The following ADGRB3 variants were observed in gnomAD, a reference collection of about 807,000 sequenced individuals.
The protein encoded by ADGRB3 is adhesion G protein-coupled receptor B3, also known as brain-specific angiogenesis inhibitor 3.
ADGRB3 carries 37 observed loss-of-function variants against 193.4 expected under a neutral mutation model. That is an observed-to-expected ratio of 0.19 (90% CI 0.15 to 0.25). ADGRB3 has a LOEUF of 0.25. ADGRB3 is among the 10% of genes least tolerant of loss of function. The pLI is 1.00. For missense variants in ADGRB3, 1,637 were observed against 1,852.9 expected (o/e 0.88, Z 2.14); for synonymous variants, 690 against 644.2 (o/e 1.07, Z -1.08).
Position 68,846,953 on chromosome 6 carries a change from A to T in ADGRB3, c.758-83606A>T, listed in dbSNP as rs548992001. ...ATGCCAGCCTGTGAAAGCAGACAGG[A>T]GGGAGGCTGTACCATGCAAAGCCAC... On this transcript the variant is annotated intron_variant, in intron 3 of 31. Transcript: ENST00000370598. Among the ~76,000 whole-genome samples the T allele has an allele frequency of 2.7e-3, 406 of 152,290 alleles. 1 individual carries two copies. Among genetic ancestry groups the T allele is most frequent in the African/African-American group, 9.3e-3 (387 of 41,566 alleles).
chr6:69,139,335 C>G (rs1774246792), intron 17 of ADGRB3, among the ~76,000 whole-genome samples: 1 of 152,196 alleles, frequency 6.6e-6, no homozygotes. Flanking sequence ...GATATTCAGA[C>G]TGGTTGGTTC....
intron 17 of ADGRB3, among the ~76,000 whole-genome samples, chr6:69,219,240 C>T (rs932673038): frequency 2.0e-5 from 3 of 151,492 alleles, no homozygotes; most frequent in African/African-American, 7.3e-5. Flanking sequence ...TTTGGAATTC[C>T]TAGGGTTTTC....
intron 27 of ADGRB3, 44 bp downstream of exon 27, chr6:69,354,372 C>G: frequency 6.7e-7 from 1 of 1,490,176 alleles, no homozygotes; most frequent in Non-Finnish European, 9.4e-7. Flanking sequence ...CTCATGATTT[C>G]TCAAGGGAAT....
At chr6:68,677,369 C>T (rs1769118245) in intron 3 of ADGRB3, among the ~76,000 whole-genome samples, 2 of 152,100 alleles carry the variant, frequency 1.3e-5, no homozygotes, top group Non-Finnish European at 1.5e-5. Context: ...TACTTCTTGT[C>T]ACTGCAGACT....
At chr6:68,669,670 C>A (rs2127293525) in intron 3 of ADGRB3, among the ~76,000 whole-genome samples, 1 of 142,840 alleles carries the variant, frequency 7.0e-6, no homozygotes, top group South Asian at 2.3e-4. Context: ...TTTTCTTTAT[C>A]CATTCATTTT....
At chr6:69,330,303 G>C (rs1210971716) in intron 22 of ADGRB3, among the ~76,000 whole-genome samples, 1 of 152,060 alleles carries the variant, frequency 6.6e-6, no homozygotes, top group Non-Finnish European at 1.5e-5. Context: ...TTTCTTTTGA[G>C]TTAGATATAT....
intron 17 of ADGRB3, among the ~76,000 whole-genome samples, chr6:69,124,442 T>G (rs1251987032): frequency 6.6e-6 from 1 of 152,218 alleles, no homozygotes; most frequent in African/African-American, 2.4e-5. Context: ...CAACTTAATT[T>G]GCTCTGTGAC....
chr6:69,364,046 T>C (rs1242963454), intron 29 of ADGRB3, among the ~76,000 whole-genome samples: 1 of 151,970 alleles, frequency 6.6e-6, no homozygotes, highest in Non-Finnish European at 1.5e-5. Context: ...AATTTAAGTC[T>C]TTTCTCCCTG....
At chr6:68,994,442 G>A (rs1186521664) in intron 11 of ADGRB3, among the ~76,000 whole-genome samples, 1 of 152,028 alleles carries the variant, frequency 6.6e-6, no homozygotes, top group African/African-American at 2.4e-5. Context: ...AAAATATAAG[G>A]CAAATAGAAA....
intron 3 of ADGRB3, among the ~76,000 whole-genome samples, chr6:68,734,653 G>A (rs985238789): frequency 1.3e-5 from 2 of 151,884 alleles, no homozygotes; most frequent in African/African-American, 2.4e-5. Context: ...GAGGAGAGGA[G>A]AATCTAAACC....
rs1039511582 is a variant in ADGRB3 at position 69,137,065 on chromosome 6, TTTTTTTTTTTTA to T, written c.2480+61028_2480+61039del. Among the ~76,000 whole-genome samples the T allele has an allele frequency of 6.2e-4, 39 of 63,094 alleles. No homozygotes were observed. In the East Asian group the frequency reaches 0.085, roughly 138 times the overall value. 41.4% of individuals were successfully genotyped at this position (63,094 alleles called of 152,430 possible). On this transcript the variant is annotated intron_variant, in intron 17 of 31. Coordinates refer to ENST00000370598, the MANE Select transcript of ADGRB3 (RefSeq NM_001704.3). The stretch of plus-strand genomic sequence containing the variant: ...TTCTTTTCTTTTCTTTCTTTTTTTT[TTTTTTTTTTTTA>T]ATGGTAAGATCTTTTTGAGCCTCAA...
chr6:69,178,479 G>A (rs370540473), intron 17 of ADGRB3, among the ~76,000 whole-genome samples: 177 of 152,274 alleles, frequency 1.2e-3, no homozygotes, highest in African/African-American at 4.0e-3. Context: ...ATATTGACAT[G>A]TGAGGTCTCA....
intron 3 of ADGRB3, among the ~76,000 whole-genome samples, chr6:68,783,948 C>A (rs1766909284): frequency 6.6e-6 from 1 of 151,962 alleles, no homozygotes; most frequent in South Asian, 2.1e-4. Context: ...TCTTACTATT[C>A]TTTAACTTCT....
intron 3 of ADGRB3, among the ~76,000 whole-genome samples, chr6:68,820,584 C>T (rs1287495943): frequency 6.6e-6 from 1 of 151,904 alleles, no homozygotes; most frequent in Non-Finnish European, 1.5e-5. Context: ...CAAATACTAG[C>T]TCTTATTTAT....
chr6:69,020,884 A>G (rs1050975747), intron 13 of ADGRB3, among the ~76,000 whole-genome samples: 4 of 152,010 alleles, frequency 2.6e-5, no homozygotes, highest in Admixed American at 6.6e-5. Flanking sequence ...AGTAATATGA[A>G]TAATGATCTC....
chr6:68,928,732 A>G (rs542380231), intron 3 of ADGRB3, among the ~76,000 whole-genome samples: 1 of 152,270 alleles, frequency 6.6e-6, no homozygotes, highest in Admixed American at 6.5e-5. Context: ...TTGCCTGCTC[A>G]GTGCCAAAAT....
chr6:69,214,544 A>G (rs1765734998), intron 17 of ADGRB3, among the ~76,000 whole-genome samples: 1 of 152,090 alleles, frequency 6.6e-6, no homozygotes, highest in Non-Finnish European at 1.5e-5. Context: ...TAAAACAACA[A>G]CCAGACTGGT....
intron 20 of ADGRB3, among the ~76,000 whole-genome samples, chr6:69,280,448 T>C (rs916978807): frequency 6.6e-6 from 1 of 152,200 alleles, no homozygotes; most frequent in African/African-American, 2.4e-5. Context: ...AGTTTTGAAT[T>C]CTGGCTCCAT....
At chr6:69,071,063 T>G (rs1772064947) in intron 16 of ADGRB3, among the ~76,000 whole-genome samples, 1 of 152,194 alleles carries the variant, frequency 6.6e-6, no homozygotes, top group African/African-American at 2.4e-5. Context: ...GACTTAGTTT[T>G]GCTCATCCTT....
Sources: gnomAD v4.1 joint callset for allele counts (sites outside exome capture counted in the v4.1 genomes callset) on GRCh38, gnomAD v4.1.1 for gene constraint, MANE v1.5 for transcripts, NCBI Gene and HGNC (gene_info 2026-07-23, HGNC 2026-07-21) for gene names.